The following LRP1B variants were observed in gnomAD, a reference collection of about 807,000 sequenced individuals.
LRP1B encodes the protein low-density lipoprotein receptor-related protein 1B.
Under a neutral mutation model 556.6 loss-of-function variants are expected in LRP1B, and 217 were observed. The observed-to-expected ratio is 0.39, with a 90% CI of 0.35 to 0.44. The LOEUF (loss-of-function observed/expected upper bound fraction) is 0.44, where lower values mean the gene tolerates loss of function less well. LRP1B is among the 20% of genes least tolerant of loss of function. The pLI is 1.00. For missense variants in LRP1B, 5,053 were observed against 5,620.8 expected (o/e 0.90, Z 3.23); for synonymous variants, 2,047 against 1,865.8 (o/e 1.10, Z -2.50).
rs2104952055 is a variant in LRP1B at position 140,274,482 on chromosome 2, C to T, written c.13084G>A (p.Val4362Ile). The change falls in exon 85 of 91, where the codon GTA becomes ATA. Residue 4362 changes from valine to isoleucine, a missense_variant. By Grantham distance (29) the Val-to-Ile change is conservative. Coordinates refer to ENST00000389484, the MANE Select transcript of LRP1B (RefSeq NM_018557.3). Reference protein sequence around the residue: ...EGPKCEVDKCVRCHGGHCIIN... With the variant: ...EGPKCEVDKCIRCHGGHCIIN... ...ATGCAGTGCCCCCCATGGCACCTTA[C>T]ACACTTGTCAACCTCACATTTTGGT... 6.2e-7 allele frequency: 1 copy of T among 1,612,768 alleles called. No homozygotes were observed. The highest frequency in any genetic ancestry group is 8.5e-7 in the Non-Finnish European group (1 of 1,179,162).
chr2:140,485,513 G>A lies in LRP1B; in HGVS notation c.9255C>T (p.Asn3085=). The change falls in exon 59 of 91, where the codon AAC becomes AAT. Residue 3085 remains asparagine, a synonymous_variant. Coordinates refer to ENST00000389484, the MANE Select transcript of LRP1B (RefSeq NM_018557.3). ...CAGCAAGTGCATTGGGGACCGCTGT[G>A]TTATGAACTACCTACAAAACAAGAA... ...LNGSDIKVVH[N]TAVPNALAVD... 1.2e-6 allele frequency: 2 copies of A among 1,611,898 alleles called. No individual in the cohort carries two copies. The highest frequency in any genetic ancestry group is 1.7e-6 in the Non-Finnish European group (2 of 1,179,110).
At chr2:141,433,032 C>A (rs1227297749) in intron 3 of LRP1B, among the ~76,000 whole-genome samples, 1 of 151,994 alleles carries the variant, frequency 6.6e-6, no homozygotes, top group Non-Finnish European at 1.5e-5. Flanking sequence ...TAGGTATATA[C>A]AACTATTCTC....
At chr2:141,173,551 T>C (rs1574153194) in intron 7 of LRP1B, among the ~76,000 whole-genome samples, 1 of 152,110 alleles carries the variant, frequency 6.6e-6, no homozygotes, top group Admixed American at 6.6e-5. Context: ...AGCAAACTTA[T>C]TTAGCTCTTT....
chr2:141,723,379 T>C (rs1217680273), intron 2 of LRP1B, among the ~76,000 whole-genome samples: 1 of 150,716 alleles, frequency 6.6e-6, no homozygotes, highest in Non-Finnish European at 1.5e-5. Context: ...TAATTTAATA[T>C]AGTTGAAAGA....
intron 2 of LRP1B, among the ~76,000 whole-genome samples, chr2:141,807,820 A>T (rs1321886876): frequency 2.0e-5 from 3 of 152,010 alleles, no homozygotes; most frequent in African/African-American, 4.8e-5. Flanking sequence ...GACCATTTTG[A>T]GTAGATGCCT....
intron 23 of LRP1B, among the ~76,000 whole-genome samples, chr2:140,888,246 C>T (rs966359007): frequency 6.6e-6 from 1 of 152,002 alleles, no homozygotes; most frequent in Non-Finnish European, 1.5e-5. Flanking sequence ...CAATTTAGTT[C>T]TGTTTCTTTT....
chr2:140,858,683 A>T (rs1692693997), intron 27 of LRP1B, among the ~76,000 whole-genome samples: 1 of 152,022 alleles, frequency 6.6e-6, no homozygotes, highest in Non-Finnish European at 1.5e-5. Context: ...CCCATCACCT[A>T]GGTTTTAAAC....
intron 3 of LRP1B, among the ~76,000 whole-genome samples, chr2:141,374,229 T>C (rs1689344848): frequency 1.3e-5 from 2 of 152,228 alleles, no homozygotes; most frequent in African/African-American, 2.4e-5. Flanking sequence ...GTAAGGTTTC[T>C]GCTGAAAAGT....
intron 14 of LRP1B, among the ~76,000 whole-genome samples, chr2:141,010,238 T>TA (rs1697701864): frequency 6.6e-6 from 1 of 151,858 alleles, no homozygotes; most frequent in Non-Finnish European, 1.5e-5. Flanking sequence ...ACCTAGAAAA[T>TA]AAAAAGGAAA....
At chr2:140,356,990 T>C (rs1418363757) in intron 74 of LRP1B, among the ~76,000 whole-genome samples, 1 of 151,720 alleles carries the variant, frequency 6.6e-6, no homozygotes, top group African/African-American at 2.4e-5. Context: ...ATATGAAGAG[T>C]AACATTTGAG....
intron 1 of LRP1B, among the ~76,000 whole-genome samples, chr2:141,927,937 A>G (rs1282212511): frequency 6.0e-5 from 9 of 150,520 alleles, no homozygotes; most frequent in East Asian, 3.9e-4. Context: ...AAGAAAGAAA[A>G]AAAAAAACAA....
intron 1 of LRP1B, among the ~76,000 whole-genome samples, chr2:141,927,955 C>T (rs569589869): frequency 1.3e-5 from 2 of 151,030 alleles, no homozygotes; most frequent in African/African-American, 4.9e-5. Context: ...CAAAACACTG[C>T]CATGTTTTAA....
At chr2:141,719,699 A>G (rs1306613316) in intron 2 of LRP1B, among the ~76,000 whole-genome samples, 1 of 152,118 alleles carries the variant, frequency 6.6e-6, no homozygotes, top group Non-Finnish European at 1.5e-5. Flanking sequence ...GCTGTAAAAA[A>G]TGAAGCCATG....
intron 29 of LRP1B, among the ~76,000 whole-genome samples, chr2:140,847,835 C>T (rs913513411): frequency 1.1e-4 from 17 of 151,232 alleles, no homozygotes; most frequent in Non-Finnish European, 2.1e-4. Flanking sequence ...GTAATTATTG[C>T]TCCTAATGAG....
chr2:142,110,465 G>A (rs1272033663), intron 1 of LRP1B, among the ~76,000 whole-genome samples: 5 of 152,116 alleles, frequency 3.3e-5, no homozygotes, highest in African/African-American at 9.7e-5. Flanking sequence ...CGCAGCAAGA[G>A]AGCAGTCATG....
intron 63 of LRP1B, among the ~76,000 whole-genome samples, chr2:140,449,407 A>C (rs182628206): frequency 6.6e-6 from 1 of 152,262 alleles, no homozygotes; most frequent in Admixed American, 6.5e-5. Flanking sequence ...TGAAAAGAAT[A>C]ATTCAGGAAT....
At chr2:140,430,753 G>A (rs896605953) in intron 66 of LRP1B, among the ~76,000 whole-genome samples, 5 of 152,212 alleles carry the variant, frequency 3.3e-5, no homozygotes, top group Admixed American at 1.3e-4. Flanking sequence ...CCGCTAGCCC[G>A]TCTCTTAGAA....
At chr2:141,679,183 C>T (rs1574232814) in intron 2 of LRP1B, among the ~76,000 whole-genome samples, 1 of 152,068 alleles carries the variant, frequency 6.6e-6, no homozygotes, top group Non-Finnish European at 1.5e-5. Flanking sequence ...GGTAATAACA[C>T]ACGAGTAAGC....
rs1690410845 is a variant in LRP1B, at chr2:140,798,904, C to T, written c.5359+14753G>A. On this transcript the variant is annotated intron_variant, in intron 32 of 90. Transcript: ENST00000389484. ...ATCAATCCAGTTTTCAGAGGTAATACAGTCGCATTATCTCCATCACACAGT... is the reference window on the plus strand; with the variant it reads ...ATCAATCCAGTTTTCAGAGGTAATATAGTCGCATTATCTCCATCACACAGT... 2.0e-5 allele frequency among the ~76,000 whole-genome samples: 3 copies of T among 152,218 alleles called. No homozygotes were observed. The South Asian group carries it at 6.2e-4, about 32-fold the overall frequency.
Sources: allele counts gnomAD v4.1 joint callset (sites outside exome capture counted in the v4.1 genomes callset), GRCh38; gene constraint gnomAD v4.1.1; transcripts MANE v1.5; gene names NCBI Gene and HGNC (gene_info 2026-07-23, HGNC 2026-07-21).